Variants in GSG1L observed in about 807,000 individuals in gnomAD.
GSG1L encodes the protein germ cell-specific gene 1-like protein.
Under a neutral mutation model 42.1 loss-of-function variants are expected in GSG1L, and 24 were observed. That is an observed-to-expected ratio of 0.57 (90% CI 0.41 to 0.80). GSG1L has a LOEUF of 0.80. Among genes scored for constraint, GSG1L ranks in the 30% least tolerant of loss-of-function variants. The pLI is 0.00. For synonymous variants in GSG1L, 215 were observed against 203.5 expected, an observed-to-expected ratio of 1.06 and a Z score of -0.48; for missense variants, 445 against 472.2, an observed-to-expected ratio of 0.94 and a Z score of 0.53.
chr16:27,990,485 T>C (rs1435863398), intron 1 of GSG1L, among the ~76,000 whole-genome samples: 2 of 152,190 alleles, frequency 1.3e-5, no homozygotes, highest in African/African-American at 4.8e-5. Context: ...CCATTCTGCT[T>C]TGAGGAATTG....
At chr16:28,025,575 T>C (rs2085892035) in intron 1 of GSG1L, among the ~76,000 whole-genome samples, 1 of 152,256 alleles carries the variant, frequency 6.6e-6, no homozygotes, top group African/African-American at 2.4e-5. Flanking sequence ...CTAGAAGGGC[T>C]GACTGTATCT....
intron 2 of GSG1L, among the ~76,000 whole-genome samples, chr16:27,954,162 G>T (rs916416029): frequency 2.1e-4 from 32 of 152,082 alleles, no homozygotes; most frequent in Non-Finnish European, 8.8e-5. Flanking sequence ...TCAAACCTGG[G>T]ATTGAACATG....
intron 2 of GSG1L, among the ~76,000 whole-genome samples, chr16:27,944,186 G>C (rs1282583175): frequency 6.6e-6 from 1 of 151,980 alleles, no homozygotes. Context: ...AATTTGTCAG[G>C]CTATATATGT....
chr16:28,023,161 T>A (rs1250509733), intron 1 of GSG1L, among the ~76,000 whole-genome samples: 1 of 152,294 alleles, frequency 6.6e-6, no homozygotes, highest in South Asian at 2.1e-4. Context: ...AAAAGGTTTT[T>A]GTTTAAGAAA....
intron 1 of GSG1L, among the ~76,000 whole-genome samples, chr16:28,014,820 A>G (rs2085761940): frequency 6.6e-6 from 1 of 151,850 alleles, no homozygotes; most frequent in African/African-American, 2.4e-5. Flanking sequence ...CTGGGCTGTT[A>G]TATCTTTTGG....
chr16:27,872,881 A>T (rs1199648905), intron 3 of GSG1L, among the ~76,000 whole-genome samples: 1 of 152,178 alleles, frequency 6.6e-6, no homozygotes, highest in East Asian at 1.9e-4. Context: ...ACTCATGAAT[A>T]ATCCTCCCCT....
chr16:28,014,575 C>T (rs2085759058), intron 1 of GSG1L, among the ~76,000 whole-genome samples: 1 of 151,804 alleles, frequency 6.6e-6, no homozygotes, highest in Non-Finnish European at 1.5e-5. Context: ...GCAATCAAAG[C>T]TCTCTGTAAC....
chr16:27,976,326 CAT>C (rs2085250398), intron 1 of GSG1L, among the ~76,000 whole-genome samples: 1 of 152,132 alleles, frequency 6.6e-6, no homozygotes, highest in African/African-American at 2.4e-5. Context: ...ACGGAGGCCA[CAT>C]GTTTTCAGCA....
chr16:27,857,696 C>A (rs1260898802), intron 3 of GSG1L, among the ~76,000 whole-genome samples: 1 of 152,052 alleles, frequency 6.6e-6, no homozygotes, highest in African/African-American at 2.4e-5. Flanking sequence ...GCGGACTCCC[C>A]CTCCCTGAGA....
chr16:27,989,468 G>A (rs1015278978), intron 1 of GSG1L, among the ~76,000 whole-genome samples: 1 of 152,116 alleles, frequency 6.6e-6, no homozygotes, highest in Non-Finnish European at 1.5e-5. Context: ...GACCAGGAGC[G>A]GTGGTTCACA....
chr16:27,944,041 G>C (rs2084835412), intron 2 of GSG1L, among the ~76,000 whole-genome samples: 2 of 152,154 alleles, frequency 1.3e-5, no homozygotes, highest in Admixed American at 1.3e-4. Context: ...TTGTTAGAAA[G>C]TGAAGCAAGG....
intron 1 of GSG1L, among the ~76,000 whole-genome samples, chr16:28,002,207 C>T (rs894996237): frequency 6.6e-6 from 1 of 152,092 alleles, no homozygotes; most frequent in African/African-American, 2.4e-5. Context: ...TAAAATAAAA[C>T]AGGATGCTGT....
intron 1 of GSG1L, among the ~76,000 whole-genome samples, chr16:28,062,777 G>T (rs566492170): frequency 6.6e-6 from 1 of 152,296 alleles, no homozygotes; most frequent in Non-Finnish European, 1.5e-5. Flanking sequence ...CCGGCAGCGG[G>T]GGTGGGCGCC....
intron 1 of GSG1L, among the ~76,000 whole-genome samples, chr16:28,056,467 T>C (rs2086280464): frequency 1.3e-5 from 1 of 78,266 alleles, no homozygotes; most frequent in African/African-American, 5.2e-5. Context: ...CGGGGCCTGC[T>C]GTTGGGTGGG....
chr16:28,019,588 T>G (rs1375884394), intron 1 of GSG1L, among the ~76,000 whole-genome samples: 1 of 152,232 alleles, frequency 6.6e-6, no homozygotes, highest in African/African-American at 2.4e-5. Flanking sequence ...TTTCTATGGC[T>G]TCACCTCAAA....
intron 2 of GSG1L, among the ~76,000 whole-genome samples, chr16:27,938,385 T>TAAAAA (rs71140925): frequency 2.8e-5 from 4 of 141,194 alleles, no homozygotes; most frequent in Non-Finnish European, 4.6e-5. Flanking sequence ...GAGACTCCAT[T>TAAAAA]AAAAAAAAAA....
At chr16:27,872,823 G>T (rs2083838883) in intron 3 of GSG1L, among the ~76,000 whole-genome samples, 1 of 152,162 alleles carries the variant, frequency 6.6e-6, no homozygotes, top group Non-Finnish European at 1.5e-5. Flanking sequence ...TGGTCTAAAA[G>T]GGGGAGGAGC....
chr16:27,809,277 C>T (rs2083003442), intron 5 of GSG1L, among the ~76,000 whole-genome samples: 1 of 152,126 alleles, frequency 6.6e-6, no homozygotes. Context: ...GTGGTGTGTG[C>T]TTCTAGTCCC....
intron 2 of GSG1L, among the ~76,000 whole-genome samples, chr16:27,921,003 T>C (rs563509282): frequency 9.1e-4 from 138 of 152,224 alleles, no homozygotes; most frequent in African/African-American, 3.3e-3. Flanking sequence ...GGAATGAAAT[T>C]AGCCGAGGTC....
Sources: gnomAD v4.1 joint callset for allele counts (sites outside exome capture counted in the v4.1 genomes callset) on GRCh38, gnomAD v4.1.1 for gene constraint, MANE v1.5 for transcripts, NCBI Gene and HGNC (gene_info 2026-07-23, HGNC 2026-07-21) for gene names.